NDUFB1: variants seen among roughly 807,000 people sequenced by gnomAD.
The protein encoded by NDUFB1 is NADH dehydrogenase [ubiquinone] 1 beta subcomplex subunit 1.
Under a neutral mutation model 6.7 loss-of-function variants are expected in NDUFB1, and 6 were observed. The observed-to-expected ratio is 0.89, with a 90% CI of 0.49 to 1.76. The LOEUF (loss-of-function observed/expected upper bound fraction) is 1.76. Ranked by LOEUF, NDUFB1 falls within the 40% of genes most tolerant of loss-of-function variation. NDUFB1 has a pLI of 0.01. For missense variants in NDUFB1, 56 were observed against 71.0 expected (o/e 0.79, Z 0.76); for synonymous variants, 17 against 22.9 (o/e 0.74, Z 0.74).
At chr14:92,118,983 A>G (rs2068734593) in intron 1 of NDUFB1, 2 of 360,598 alleles carry the variant, frequency 5.5e-6, no homozygotes, top group Admixed American at 3.6e-5. Flanking sequence ...CAGAAAAAAA[A>G]GAAAGAAAAA....
rs530410006 is a variant in NDUFB1, at chr14:92,119,164, T to C, written c.-5-1522A>G. On this transcript the variant is annotated intron_variant, in intron 1 of 2. Transcript: ENST00000605997. ...CTGTCTCTACAAAAAATCAAAAAAT[T>C]AGCTGGGTGTGGTAGTATATGCCTG... 1.8e-3 allele frequency among the ~76,000 whole-genome samples: 273 copies of C among 151,880 alleles called. 2 individuals are homozygous for C. Among genetic ancestry groups the C allele is most frequent in the Non-Finnish European group, 2.2e-3 (151 of 67,918 alleles).
chr14:92,120,661 T>G (rs2068752651), intron 1 of NDUFB1, among the ~76,000 whole-genome samples: 1 of 150,778 alleles, frequency 6.6e-6, no homozygotes, highest in African/African-American at 2.4e-5. Flanking sequence ...TTCAAGTGAT[T>G]TTCTTGCCTC....
chr14:92,120,588 G>C (rs955436302), intron 1 of NDUFB1, among the ~76,000 whole-genome samples: 15 of 151,900 alleles, frequency 9.9e-5, no homozygotes, highest in Admixed American at 6.6e-4. Flanking sequence ...AACCTCAGGT[G>C]GTCCGCCCGC....
chr14:92,117,410 A>C (rs1430535139), intron 2 of NDUFB1, 88 bp downstream of exon 2: 3 of 1,369,380 alleles, frequency 2.2e-6, no homozygotes, highest in Non-Finnish European at 3.1e-6. Context: ...AGGGGGAAAA[A>C]TTACCCCTTC....
intron 1 of NDUFB1, chr14:92,117,942 G>A (rs2068728233): frequency 1.2e-5 from 4 of 344,426 alleles, no homozygotes; most frequent in South Asian, 2.6e-5. Flanking sequence ...AGGTTGCAGT[G>A]AGCCAAGATC....
chr14:92,116,331 C>CTTTTTTTTTTTT (rs35571568), intron 2 of NDUFB1, 102 bp from the exon 3 acceptor site: 10 of 499,320 alleles, frequency 2.0e-5, no homozygotes, highest in South Asian at 4.1e-5. Context: ...ATTTCATTTT[C>CTTTTTTTTTTTT]TTTTTTTTTT....
chr14:92,116,926 C>T (rs980217671), intron 2 of NDUFB1, among the ~76,000 whole-genome samples: 2 of 152,212 alleles, frequency 1.3e-5, no homozygotes, highest in African/African-American at 4.8e-5. Flanking sequence ...CTGCTCAGTT[C>T]TCTTGCCCCT....
chr14:92,120,949 C>G (rs1174075358), intron 1 of NDUFB1, among the ~76,000 whole-genome samples: 2 of 151,630 alleles, frequency 1.3e-5, no homozygotes, highest in Non-Finnish European at 2.9e-5. Context: ...ATCACGAGAT[C>G]AGGAGTTCGA....
intron 1 of NDUFB1, 36 bp downstream of exon 1, chr14:92,121,606 C>T (rs1188339783): frequency 6.2e-7 from 1 of 1,611,534 alleles, no homozygotes; most frequent in African/African-American, 1.3e-5. Flanking sequence ...CGCCGTGATC[C>T]TCGTCGCGGC....
At chr14:92,118,957 CA>C (rs1725690165) in intron 1 of NDUFB1, 2 of 366,732 alleles carry the variant, frequency 5.5e-6, no homozygotes, top group Non-Finnish European at 1.1e-5. Flanking sequence ...CTGGGGGATA[CA>C]GCGAGTCTCT....
At chr14:92,116,286 G>A (rs1210371919) in intron 2 of NDUFB1, 57 bp from the exon 3 acceptor site, 8 of 1,325,184 alleles carry the variant, frequency 6.0e-6, no homozygotes, top group Admixed American at 3.5e-5. Context: ...ACTGTGATAC[G>A]AGATAAAAGG....
chr14:92,119,938 T>A (rs2068741238), intron 1 of NDUFB1, among the ~76,000 whole-genome samples: 1 of 152,092 alleles, frequency 6.6e-6, no homozygotes, highest in South Asian at 2.1e-4. Context: ...AAACATTTTT[T>A]TTTGTAGAGA....
chr14:92,117,297 CATTAAATGAAGACT>C (rs1375351596), intron 2 of NDUFB1, among the ~76,000 whole-genome samples, 187 bp downstream of exon 2: 1 of 152,134 alleles, frequency 6.6e-6, no homozygotes, highest in African/African-American at 2.4e-5. Context: ...ACAGCCTATT[CATTAAATGAAGACT>C]TTAAATTCTA....
At chr14:92,121,525 G>C in intron 1 of NDUFB1, 117 bp downstream of exon 1, 2 of 1,449,184 alleles carry the variant, frequency 1.4e-6, no homozygotes, top group East Asian at 4.6e-5. Flanking sequence ...CGGAAGCCCC[G>C]GGGAAGCCCA....
Position 92,121,672 on chromosome 14 carries a change from G to A in NDUFB1, c.-36C>T, listed in dbSNP as rs369914520. ...GCCTCAGCGCCTACAGCGACCCCGA[G>A]ACCAAGGGCAACAGGGAACTCAACC... On this transcript the variant is annotated 5_prime_UTR_variant, in exon 1 of 3. Coordinates refer to ENST00000605997, the MANE Select transcript of NDUFB1 (RefSeq NM_004545.4). 16 of 1,613,548 alleles carry A rather than the reference G, an allele frequency of 9.9e-6. No individual in the cohort carries two copies. The Admixed American group carries it at 1.8e-4, about 19-fold the overall frequency.
chr14:92,120,312 C>T (rs968588875), intron 1 of NDUFB1: 1 of 151,722 alleles, frequency 6.6e-6, no homozygotes, highest in Non-Finnish European at 1.5e-5. Flanking sequence ...TCTCCTCTTA[C>T]ACTGGCATGC....
At chr14:92,116,673 T>G (rs1237906245) in intron 2 of NDUFB1, among the ~76,000 whole-genome samples, 2 of 152,142 alleles carry the variant, frequency 1.3e-5, no homozygotes, top group Non-Finnish European at 2.9e-5. Flanking sequence ...ATTTAAAAAA[T>G]TTACATATTA....
chr14:92,116,305 G>A (rs2068716388), intron 2 of NDUFB1, 76 bp from the exon 3 acceptor site: 1 of 963,494 alleles, frequency 1.0e-6, no homozygotes, highest in African/African-American at 1.7e-5. Flanking sequence ...GGGGAAGTCA[G>A]AAGAATGATT....
At chr14:92,121,486 C>A in intron 1 of NDUFB1, 156 bp downstream of exon 1, 2 of 1,118,486 alleles carry the variant, frequency 1.8e-6, no homozygotes, top group South Asian at 2.9e-5. Flanking sequence ...CCGAAGAAAA[C>A]CCCATTTTCC....
Sources: gnomAD v4.1 joint callset for allele counts (sites outside exome capture counted in the v4.1 genomes callset) on GRCh38, gnomAD v4.1.1 for gene constraint, MANE v1.5 for transcripts, NCBI Gene and HGNC (gene_info 2026-07-23, HGNC 2026-07-21) for gene names.